NRG3: variants seen among roughly 807,000 people sequenced by gnomAD.
NRG3 encodes the protein neuregulin 3.
A neutral mutation model predicts 66.9 loss-of-function variants in NRG3; 31 were observed. That is an observed-to-expected ratio of 0.46 (90% CI 0.35 to 0.63). The LOEUF (loss-of-function observed/expected upper bound fraction) is 0.63, where lower values mean the gene tolerates loss of function less well. NRG3 is among the 20% of genes least tolerant of loss of function. NRG3 has a pLI of 0.00. For missense variants in NRG3, 910 were observed against 878.9 expected (o/e 1.04, Z -0.45); for synonymous variants, 393 against 359.4 (o/e 1.09, Z -1.06).
chr10:82,781,519 T>A (rs138440196), intron 3 of NRG3, among the ~76,000 whole-genome samples: 220 of 152,250 alleles, frequency 1.4e-3, no homozygotes, highest in African/African-American at 5.0e-3. Flanking sequence ...GCTTAAACCA[T>A]ATCACCAGAA....
intron 2 of NRG3, among the ~76,000 whole-genome samples, chr10:82,391,712 A>G (rs2086377699): frequency 6.6e-6 from 1 of 152,082 alleles, no homozygotes; most frequent in Non-Finnish European, 1.5e-5. Flanking sequence ...CCACTCACCA[A>G]TCCATATTTA....
chr10:82,235,831 C>A (rs536095060), intron 1 of NRG3, among the ~76,000 whole-genome samples: 5 of 152,300 alleles, frequency 3.3e-5, no homozygotes, highest in African/African-American at 1.2e-4. Context: ...GCGTGTGTCA[C>A]TTGGTAGACG....
chr10:81,910,997 T>C (rs1374485403), intron 1 of NRG3, among the ~76,000 whole-genome samples: 1 of 152,192 alleles, frequency 6.6e-6, no homozygotes, highest in Non-Finnish European at 1.5e-5. Context: ...AGATTTCTCC[T>C]GTAGGTAAAG....
rs1304312632 is a variant in NRG3, at chr10:82,457,057, T to G, written c.953+98189T>G. Among the ~76,000 whole-genome samples, 3 of 152,198 alleles carry G rather than the reference T, an allele frequency of 2.0e-5. No individual in the cohort carries two copies. In the East Asian group the frequency reaches 5.8e-4, roughly 29 times the overall value. Reference sequence around the variant, plus strand: ...TATTAGGATATCTTTGAAGTCACCCTAGAGCTACGTAATCATTCCTAATAA... The same window carrying G: ...TATTAGGATATCTTTGAAGTCACCCGAGAGCTACGTAATCATTCCTAATAA... On this transcript the variant is annotated intron_variant, in intron 2 of 8. Transcript: ENST00000372141.
At chr10:82,086,888 C>T (rs1383849177) in intron 1 of NRG3, among the ~76,000 whole-genome samples, 1 of 152,054 alleles carries the variant, frequency 6.6e-6, no homozygotes, top group Non-Finnish European at 1.5e-5. Flanking sequence ...AATGCTGTAT[C>T]AATGTTGACT....
chr10:82,388,873 T>C (rs573449470), intron 2 of NRG3, among the ~76,000 whole-genome samples: 178 of 152,092 alleles, frequency 1.2e-3, no homozygotes, highest in Non-Finnish European at 2.1e-3. Context: ...TTTGCTGGAG[T>C]GTGTTAAAAT....
intron 1 of NRG3, among the ~76,000 whole-genome samples, chr10:82,033,654 T>C (rs1047869313): frequency 9.9e-5 from 15 of 152,156 alleles, no homozygotes; most frequent in African/African-American, 3.6e-4. Flanking sequence ...CAAGTAGTGA[T>C]GGATGTATGC....
intron 1 of NRG3, among the ~76,000 whole-genome samples, chr10:82,237,334 T>G (rs2076803976): frequency 6.6e-6 from 1 of 152,244 alleles, no homozygotes; most frequent in African/African-American, 2.4e-5. Context: ...AGGTGTCAGT[T>G]AAAATTATAC....
intron 3 of NRG3, among the ~76,000 whole-genome samples, chr10:82,813,583 C>G (rs984394874): frequency 1.3e-5 from 2 of 152,092 alleles, no homozygotes; most frequent in Admixed American, 1.3e-4. Flanking sequence ...GAGACTTCCT[C>G]GAGAGCATGG....
At chr10:82,644,399 T>C (rs529719073) in intron 2 of NRG3, among the ~76,000 whole-genome samples, 1 of 152,308 alleles carries the variant, frequency 6.6e-6, no homozygotes, top group East Asian at 1.9e-4. Context: ...CTATGCTTAT[T>C]TTCTTTTATT....
At chr10:81,988,176 A>G (rs1262347427) in intron 1 of NRG3, among the ~76,000 whole-genome samples, 2 of 152,212 alleles carry the variant, frequency 1.3e-5, no homozygotes, top group East Asian at 1.9e-4. Flanking sequence ...CTCTGAAATA[A>G]CTATTGCCAT....
intron 2 of NRG3, among the ~76,000 whole-genome samples, chr10:82,707,766 T>C (rs1042222555): frequency 6.9e-6 from 1 of 145,058 alleles, no homozygotes; most frequent in African/African-American, 2.5e-5. Context: ...TCCAGCACTT[T>C]GGGAGGCTGA....
intron 1 of NRG3, among the ~76,000 whole-genome samples, chr10:82,253,137 C>T (rs1437049258): frequency 6.6e-6 from 1 of 152,280 alleles, no homozygotes; most frequent in Middle Eastern, 3.4e-3. Context: ...TCTAATATTC[C>T]ATGTTAAAAT....
chr10:82,865,310 T>C, intron 3 of NRG3, 101 bp from the exon 4 acceptor site: 1 of 1,201,714 alleles, frequency 8.3e-7, no homozygotes. Context: ...TGCCTTGCCT[T>C]GGAGGGTTAG....
rs1435116643 is a variant in NRG3 at position 82,526,078 on chromosome 10, G to A, written c.953+167210G>A. Among the ~76,000 whole-genome samples, 15 of 151,998 alleles carry A rather than the reference G, an allele frequency of 9.9e-5. No individual in the cohort carries two copies. The East Asian group carries it at 1.4e-3, about 14-fold the overall frequency. On this transcript the variant is annotated intron_variant, in intron 2 of 8. Coordinates refer to ENST00000372141, the MANE Select transcript of NRG3 (RefSeq NM_001010848.4). Reference sequence around the variant, plus strand: ...CTGGGTGGACACAGTCTAAGTTAGCGAGCTATGAAATGGAAGCAAAGCCTT... The same window carrying A: ...CTGGGTGGACACAGTCTAAGTTAGCAAGCTATGAAATGGAAGCAAAGCCTT...
intron 4 of NRG3, among the ~76,000 whole-genome samples, chr10:82,922,774 C>T (rs983464612): frequency 6.6e-6 from 1 of 152,180 alleles, no homozygotes; most frequent in Non-Finnish European, 1.5e-5. Flanking sequence ...ATTCAGTTGT[C>T]TCACTAGCAC....
intron 1 of NRG3, among the ~76,000 whole-genome samples, chr10:81,910,565 G>C (rs138669021): frequency 1.3e-5 from 2 of 152,196 alleles, no homozygotes; most frequent in East Asian, 3.8e-4. Flanking sequence ...GAAATCTCCA[G>C]TGTTGCCTGT....
At chr10:82,633,363 C>T (rs749208342) in intron 2 of NRG3, among the ~76,000 whole-genome samples, 1 of 152,076 alleles carries the variant, frequency 6.6e-6, no homozygotes, top group South Asian at 2.1e-4. Context: ...TTTCTCTGAG[C>T]AAAGAAGGGG....
intron 1 of NRG3, among the ~76,000 whole-genome samples, chr10:82,328,432 T>G: frequency 6.6e-6 from 1 of 152,214 alleles, no homozygotes; most frequent in Admixed American, 6.5e-5. Flanking sequence ...GATGTTTCGA[T>G]ACTATGCAAT....
Sources: allele counts gnomAD v4.1 joint callset (sites outside exome capture counted in the v4.1 genomes callset), GRCh38; gene constraint gnomAD v4.1.1; transcripts MANE v1.5; gene names NCBI Gene and HGNC (gene_info 2026-07-23, HGNC 2026-07-21).